The following PIEZO1 variants were observed in gnomAD, a reference collection of about 807,000 sequenced individuals.
PIEZO1 encodes the protein piezo type mechanosensitive ion channel component 1 (Er blood group), also known as piezo-type mechanosensitive ion channel component 1.
PIEZO1 carries 296 observed loss-of-function variants against 297.2 expected under a neutral mutation model. The ratio of observed to expected loss-of-function variants is 1.00; its 90% confidence interval spans 0.91 to 1.10. The LOEUF (loss-of-function observed/expected upper bound fraction) is 1.10, where lower values mean the gene tolerates loss of function less well. Among genes scored for constraint, PIEZO1 ranks in the 50% least tolerant of loss-of-function variants. The pLI is 0.00. For missense variants in PIEZO1, 5,018 were observed against 3,455.5 expected (o/e 1.45, Z -11.34); for synonymous variants, 2,427 against 1,507.5 (o/e 1.61, Z -14.13).
intron 39 of PIEZO1, 26 bp from the exon 40 acceptor site, chr16:88,720,774 T>C: frequency 1.4e-6 from 2 of 1,458,706 alleles, no homozygotes; most frequent in Middle Eastern, 1.8e-4. Flanking sequence ...GACTTCTGCC[T>C]GGGCCCCCTG....
At position 88,717,334 on chromosome 16, in the gene PIEZO1, G is replaced by T. The variant is rs566408490; in HGVS notation, c.6472-123C>A. The T allele has an allele frequency of 1.4e-5, 11 of 760,148 alleles. No individual in the cohort carries two copies. The African/African-American group carries it at 1.5e-4, about 11-fold the overall frequency. 47.1% of individuals were successfully genotyped at this position (760,148 alleles called of 1,614,324 possible). On this transcript the variant is annotated intron_variant, in intron 44 of 50. Transcript: ENST00000301015. ...AGCCTGACCTCAGTATGGCACAGCG[G>T]TAGTAATGGTGGGCAGACACAGGCC... is the stretch of plus-strand genomic sequence containing the variant.
chr16:88,740,502 C>T (rs1905570780), intron 5 of PIEZO1: 2 of 152,314 alleles, frequency 1.3e-5, no homozygotes, highest in South Asian at 2.1e-4. Context: ...CTCATGAGCG[C>T]TGGACCCCCT....
chr16:88,765,201 C>G (rs968547028), intron 1 of PIEZO1, among the ~76,000 whole-genome samples: 29 of 152,258 alleles, frequency 1.9e-4, no homozygotes, highest in African/African-American at 6.8e-4. Flanking sequence ...CCCCGGCACT[C>G]AGAGAGGAAT....
chr16:88,734,144 G>T, intron 16 of PIEZO1, 90 bp from the exon 17 acceptor site: 1 of 1,364,420 alleles, frequency 7.3e-7, no homozygotes. Flanking sequence ...CACCGCTTCT[G>T]CTGCAGCTGC....
At chr16:88,742,450 G>T in intron 2 of PIEZO1, 28 bp from the exon 3 acceptor site, 1 of 1,532,054 alleles carries the variant, frequency 6.5e-7, no homozygotes, top group Non-Finnish European at 8.7e-7. Context: ...GGTGAGGCTG[G>T]TCCCGGGGAC....
intron 1 of PIEZO1, 58 bp downstream of exon 1, chr16:88,784,843 G>T: frequency 1.6e-6 from 2 of 1,253,840 alleles, no homozygotes; most frequent in Non-Finnish European, 1.1e-6. Flanking sequence ...TGTCCAGGCC[G>T]TGGGGAGCCG....
At chr16:88,734,129 G>C in intron 16 of PIEZO1, 75 bp from the exon 17 acceptor site, 1 of 1,446,252 alleles carries the variant, frequency 6.9e-7, no homozygotes, top group African/African-American at 1.4e-5. Context: ...AAGAAGCCCT[G>C]TCGGCACCGC....
chr16:88,768,289 T>C (rs952126068), intron 1 of PIEZO1, among the ~76,000 whole-genome samples: 3 of 152,108 alleles, frequency 2.0e-5, no homozygotes, highest in South Asian at 2.1e-4. Context: ...GGTGTCCCCA[T>C]AGCTGTTCCC....
chr16:88,735,356 G>T (rs1025073996), intron 12 of PIEZO1, 110 bp from the exon 13 acceptor site: 9 of 758,742 alleles, frequency 1.2e-5, no homozygotes, highest in Non-Finnish European at 2.0e-5. Context: ...CAGGCGGCTG[G>T]CACCAGCCCA....
intron 1 of PIEZO1, among the ~76,000 whole-genome samples, chr16:88,755,951 C>T (rs949329822): frequency 3.9e-5 from 6 of 151,966 alleles, no homozygotes; most frequent in African/African-American, 1.2e-4. Flanking sequence ...GGCAGAGCCT[C>T]GGAGCGGGGA....
At position 88,737,092 on chromosome 16, in the gene PIEZO1, G is replaced by C. The variant is rs4782409; in HGVS notation, c.1196-353C>G. 0.088 allele frequency: 21,262 copies of C among 242,750 alleles called. 1,171 individuals are homozygous for C. The highest frequency in any genetic ancestry group is 0.12 in the Non-Finnish European group (14,621 of 125,458). The allele number at this position is 242,750 out of a possible 1,614,324, so 15.0% of individuals were successfully genotyped here. A position where few individuals can be genotyped will look rare whatever the true frequency, so the allele number is the denominator to read the frequency against. On this transcript the variant is annotated intron_variant, in intron 10 of 50. Transcript: ENST00000301015. ...ACACATTGCAAAATGGAAAATCAAGGGTTAGGGTAAAGAAAGAAAGTAGCC... is the reference window on the plus strand; with the variant it reads ...ACACATTGCAAAATGGAAAATCAAGCGTTAGGGTAAAGAAAGAAAGTAGCC...
Position 88,749,418 on chromosome 16 carries a change from G to GGGC in PIEZO1, c.123_125dup (p.Pro42dup), listed in dbSNP as rs1229167345. ...CGCATCGGGTGGGGCCGGGGAACCA[G>GGGC]GGCAGCAGCAGCAGGAAGAGCAGGT... On this transcript the variant is annotated inframe_insertion, in exon 2 of 51. Coordinates refer to ENST00000301015, the MANE Select transcript of PIEZO1 (RefSeq NM_001142864.4). 2 of 1,523,728 alleles carry GGGC rather than the reference G, an allele frequency of 1.3e-6. No individual in the cohort carries two copies. The highest frequency in any genetic ancestry group is 8.8e-7 in the Non-Finnish European group (1 of 1,142,030). 94.4% of individuals were successfully genotyped at this position (1,523,728 alleles called of 1,614,324 possible).
chr16:88,726,970 G>C lies in PIEZO1; in HGVS notation c.3456-12C>G. ...TGTCAAGGTAGGACCTGCCAGGCCG[G>C]AGCGTCAGGGCGGGCGCCCCGGCCA... is the stretch of plus-strand genomic sequence containing the variant. On this transcript the variant is annotated splice_polypyrimidine_tract_variant and intron_variant, in intron 24 of 50. Transcript: ENST00000301015. 1.3e-6 allele frequency: 2 copies of C among 1,550,054 alleles called. No homozygotes were observed. The highest frequency in any genetic ancestry group is 2.4e-5 in the East Asian group (1 of 40,906).
chr16:88,720,343 G>C, intron 41 of PIEZO1, 42 bp downstream of exon 41: 1 of 1,550,122 alleles, frequency 6.5e-7, no homozygotes. Context: ...GGTGGCTGCT[G>C]AGCTCTGCGT....
chr16:88,741,220 G>C (rs1219201462), intron 5 of PIEZO1: 1 of 424,226 alleles, frequency 2.4e-6, no homozygotes, highest in East Asian at 4.5e-5. Flanking sequence ...CCTGTGAAGA[G>C]TTCCTAAGGG....
intron 5 of PIEZO1, 175 bp downstream of exon 5, chr16:88,741,303 T>C: frequency 1.7e-6 from 1 of 600,488 alleles, no homozygotes; most frequent in Non-Finnish European, 2.9e-6. Context: ...TCTGAACGGA[T>C]GGAACTGCAG....
At position 88,720,177 on chromosome 16, in the gene PIEZO1, C is replaced by T. The variant is rs747845025; in HGVS notation, c.6056G>A (p.Arg2019His). 2.4e-5 allele frequency: 37 copies of T among 1,550,378 alleles called. No homozygotes were observed. The highest frequency in any genetic ancestry group is 2.9e-5 in the Non-Finnish European group (33 of 1,146,976). The change falls in exon 42 of 51, where the codon CGC (arginine) becomes CAC (histidine). Residue 2019 changes from arginine (R) to histidine (H), a missense_variant. Physicochemically the swap from Arg to His is conservative, Grantham distance 29. Transcript: ENST00000301015. Reference sequence around the variant, plus strand: ...CACGGTCTTGCGCAGGTAGAGGGCGCGGTCAACCACCATGGTACTGAACTG... The same window carrying T: ...CACGGTCTTGCGCAGGTAGAGGGCGTGGTCAACCACCATGGTACTGAACTG... ...LIQFSTMVVD[R>H]ALYLRKTVLG...
At chr16:88,747,843 CAG>C (rs1314010067) in intron 2 of PIEZO1, among the ~76,000 whole-genome samples, 2 of 152,124 alleles carry the variant, frequency 1.3e-5, no homozygotes, top group African/African-American at 4.8e-5. Flanking sequence ...GCAGGAGAGA[CAG>C]GGTGTGATCC....
intron 1 of PIEZO1, among the ~76,000 whole-genome samples, chr16:88,775,830 C>T (rs911279378): frequency 3.3e-5 from 5 of 152,060 alleles, no homozygotes; most frequent in African/African-American, 1.2e-4. Flanking sequence ...GCTGATGGCA[C>T]CAACAGGTCA....
Sources: allele counts gnomAD v4.1 joint callset (sites outside exome capture counted in the v4.1 genomes callset), GRCh38; gene constraint gnomAD v4.1.1; transcripts MANE v1.5; gene names NCBI Gene and HGNC (gene_info 2026-07-23, HGNC 2026-07-21).